CCM2: variants seen among roughly 807,000 people sequenced by gnomAD.
The protein encoded by CCM2 is cerebral cavernous malformations 2 protein.
CCM2 carries 25 observed loss-of-function variants against 44.9 expected under a neutral mutation model. The observed-to-expected ratio is 0.56, with a 90% confidence interval of 0.41 to 0.78. The LOEUF (loss-of-function observed/expected upper bound fraction) is 0.78. Ranked by LOEUF, CCM2 falls within the 30% of genes least tolerant of loss-of-function variation. CCM2 has a pLI of 0.00. For missense variants in CCM2, 481 were observed against 580.6 expected (o/e 0.83, Z 1.76); for synonymous variants, 219 against 241.1 (o/e 0.91, Z 0.85).
intron 1 of CCM2, among the ~76,000 whole-genome samples, chr7:45,015,079 C>T (rs1796213205): frequency 6.6e-6 from 1 of 152,160 alleles, no homozygotes; most frequent in Non-Finnish European, 1.5e-5. Flanking sequence ...CTGTCCCAGC[C>T]CTGGAACCAG....
intron 2 of CCM2, among the ~76,000 whole-genome samples, chr7:45,046,096 T>A (rs1327006535): frequency 2.0e-5 from 3 of 152,176 alleles, no homozygotes; most frequent in Non-Finnish European, 4.4e-5. Flanking sequence ...AAGCACAAAC[T>A]ACTACTACAA....
At chr7:45,043,714 AT>A (rs767143944) in intron 2 of CCM2, 19 of 403,904 alleles carry the variant, frequency 4.7e-5, no homozygotes, top group South Asian at 3.4e-4. Flanking sequence ...TAGGGCTCCC[AT>A]TAATCACATA....
chr7:45,056,366 C>A (rs1490559733), intron 2 of CCM2, among the ~76,000 whole-genome samples: 1 of 152,062 alleles, frequency 6.6e-6, no homozygotes, highest in Non-Finnish European at 1.5e-5. Context: ...TTTTAAATAG[C>A]CATCTAGGCT....
chr7:45,067,680 A>G (rs1265746782), intron 4 of CCM2: 1 of 152,822 alleles, frequency 6.5e-6, no homozygotes. Flanking sequence ...GGGACAGAGC[A>G]GCCCCAGGAG....
At chr7:45,065,947 G>A (rs540969297) in intron 4 of CCM2, among the ~76,000 whole-genome samples, 1 of 152,338 alleles carries the variant, frequency 6.6e-6, no homozygotes, top group Admixed American at 6.5e-5. Flanking sequence ...GACAAGGAGT[G>A]AGGAGACTGG....
intron 6 of CCM2, chr7:45,072,271 G>T: frequency 3.0e-6 from 1 of 334,364 alleles, no homozygotes. Flanking sequence ...TGGGGAGTCA[G>T]ACTGCCCGGC....
chr7:45,020,379 CAG>C (rs983436636), intron 1 of CCM2, among the ~76,000 whole-genome samples: 1 of 152,058 alleles, frequency 6.6e-6, no homozygotes, highest in African/African-American at 2.4e-5. Context: ...TTTTTCTTGA[CAG>C]TGTGTTTTGG....
In CCM2 at chr7:45,002,710, G is replaced by A. The variant is rs534946888; in HGVS notation, c.30+2347G>A. ...AAGTCACCTCAGCACATGTGGTGAT[G>A]ATGACTGTACACCTGGGTTTCCTCA... On this transcript the variant is annotated intron_variant, in intron 1 of 9. Transcript: ENST00000258781. Among the ~76,000 whole-genome samples, 10 of 152,260 alleles carry A rather than the reference G, an allele frequency of 6.6e-5. No individual in the cohort carries two copies. The South Asian group carries it at 1.9e-3, about 28-fold the overall frequency.
chr7:45,022,290 CTTTTTTTTTTTTTT>C (rs34095527), intron 1 of CCM2, among the ~76,000 whole-genome samples: 4 of 45,430 alleles, frequency 8.8e-5, no homozygotes, highest in African/African-American at 3.6e-4. Context: ...TTTGGACCAG[CTTTTTTTTTTTTTT>C]TTTTTTTTTT....
In CCM2 at chr7:45,076,200, C is replaced by A; in HGVS notation, c.*143C>A. The A allele has an allele frequency of 8.6e-7, 1 of 1,167,322 alleles. No individual in the cohort carries two copies. Among genetic ancestry groups the A allele is most frequent in the Non-Finnish European group, 1.2e-6 (1 of 811,594 alleles). The allele number at this position is 1,167,322 out of a possible 1,614,324, so 72.3% of individuals were successfully genotyped here. A position where few individuals can be genotyped will look rare whatever the true frequency, so the allele number is the denominator to read the frequency against. On this transcript the variant is annotated 3_prime_UTR_variant, in exon 10 of 10. Coordinates refer to ENST00000258781, the MANE Select transcript of CCM2 (RefSeq NM_031443.4). ...GCAGATGGCCCCGGGCGGCCCAGGT[C>A]CTCTACTGTGAAGGAGCAGGGAGCT...
chr7:45,039,012 T>C (rs1164414290), intron 2 of CCM2, among the ~76,000 whole-genome samples: 1 of 152,168 alleles, frequency 6.6e-6, no homozygotes, highest in African/African-American at 2.4e-5. Flanking sequence ...TCCGTAAACA[T>C]GGAAGAAGGA....
rs533279125 is a variant in CCM2 at position 45,074,239 on chromosome 7, C to T, written c.916-31C>T. 3.3e-5 allele frequency: 54 copies of T among 1,613,034 alleles called. 1 individual carries two copies. In the South Asian group the frequency reaches 5.7e-4, roughly 17 times the overall value. On this transcript the variant is annotated intron_variant, in intron 8 of 9. Coordinates refer to ENST00000258781, the MANE Select transcript of CCM2 (RefSeq NM_031443.4). Reference sequence around the variant, plus strand: ...ACTGCCGACTCTTGCCTACTGTGCCCAGCCCCCTATCTGGCTCTGCTCTCT... The same window carrying T: ...ACTGCCGACTCTTGCCTACTGTGCCTAGCCCCCTATCTGGCTCTGCTCTCT...
At chr7:45,038,138 C>T in intron 1 of CCM2, 115 bp from the exon 2 acceptor site, 1 of 1,224,788 alleles carries the variant, frequency 8.2e-7, no homozygotes, top group Non-Finnish European at 1.2e-6. Flanking sequence ...AGTCAGTGAT[C>T]CCTGTTGCAT....
chr7:45,057,221 G>A (rs1798304068), intron 2 of CCM2, among the ~76,000 whole-genome samples: 1 of 151,512 alleles, frequency 6.6e-6, no homozygotes, highest in Non-Finnish European at 1.5e-5. Context: ...GGAGTGCAGT[G>A]GTATGATCTC....
intron 1 of CCM2, among the ~76,000 whole-genome samples, chr7:45,000,734 A>C (rs1034597836): frequency 6.6e-6 from 1 of 152,222 alleles, no homozygotes; most frequent in African/African-American, 2.4e-5. Context: ...TTTGCTGCTC[A>C]CTGGACTTCG....
chr7:45,058,588 C>T (rs539314374), intron 2 of CCM2, among the ~76,000 whole-genome samples: 49 of 149,414 alleles, frequency 3.3e-4, no homozygotes, highest in African/African-American at 1.1e-3. Context: ...TTTGTCCTTG[C>T]GATAGTTTGT....
At chr7:45,051,289 TATACTGC>T (rs1455878906) in intron 2 of CCM2, among the ~76,000 whole-genome samples, 4 of 152,194 alleles carry the variant, frequency 2.6e-5, no homozygotes, top group Non-Finnish European at 5.9e-5. Context: ...GGTTTAGATG[TATACTGC>T]ATCCTAAAGA....
At position 45,056,047 on chromosome 7, in the gene CCM2, T is replaced by C. The variant is rs934573394; in HGVS notation, c.205-7871T>C. Among the ~76,000 whole-genome samples the C allele has an allele frequency of 2.0e-4, 30 of 152,242 alleles. 1 individual carries two copies. The highest frequency in any genetic ancestry group is 7.0e-4 in the African/African-American group (29 of 41,460). On this transcript the variant is annotated intron_variant, in intron 2 of 9. Transcript: ENST00000258781. Reference sequence around the variant, plus strand: ...CTTTTAAGGCTGAATAATATTTCATTGTATGTGTAGATCACATTTGGTTTA... The same window carrying C: ...CTTTTAAGGCTGAATAATATTTCATCGTATGTGTAGATCACATTTGGTTTA...
At chr7:45,071,684 C>T in intron 6 of CCM2, 1 of 441,590 alleles carries the variant, frequency 2.3e-6, no homozygotes, top group South Asian at 1.6e-5. Flanking sequence ...AAGCCATTTC[C>T]TTGTCTTTCC....
Sources: gnomAD v4.1 joint callset for allele counts (sites outside exome capture counted in the v4.1 genomes callset) on GRCh38, gnomAD v4.1.1 for gene constraint, MANE v1.5 for transcripts, NCBI Gene and HGNC (gene_info 2026-07-23, HGNC 2026-07-21) for gene names.